Variants in NBPF3 observed in about 807,000 individuals in gnomAD.
NBPF3 encodes NBPF member 3, also known as NBPF family member NBPF3.
A neutral mutation model predicts 78.1 loss-of-function variants in NBPF3; 57 were observed. The observed-to-expected ratio is 0.73, with a 90% CI of 0.59 to 0.91. The LOEUF (loss-of-function observed/expected upper bound fraction) is 0.91, where lower values mean the gene tolerates loss of function less well. Among genes scored for constraint, NBPF3 ranks in the 40% least tolerant of loss-of-function variants. The pLI, the probability that NBPF3 is intolerant of heterozygous loss-of-function variation, is 0.00. For synonymous variants in NBPF3, 182 were observed against 271.7 expected, an observed-to-expected ratio of 0.67 and a Z score of 3.25; for missense variants, 510 against 715.3, an observed-to-expected ratio of 0.71 and a Z score of 3.27.
chr1:21,456,385 C>T (rs1472710037), intron 2 of NBPF3, among the ~76,000 whole-genome samples: 4 of 152,048 alleles, frequency 2.6e-5, no homozygotes, highest in South Asian at 4.1e-4. Context: ...CTCTTTGACT[C>T]GTGTATACTG....
intron 2 of NBPF3, among the ~76,000 whole-genome samples, chr1:21,450,085 A>T (rs1641221850): frequency 6.6e-6 from 1 of 152,216 alleles, no homozygotes; most frequent in African/African-American, 2.4e-5. Context: ...AAACCACAGA[A>T]GTCTGGAATG....
In NBPF3 at chr1:21,471,552, C is replaced by G; in HGVS notation, c.447-17C>G. 1 of 1,611,886 alleles carries G rather than the reference C, an allele frequency of 6.2e-7. No individual in the cohort carries two copies. Among genetic ancestry groups the G allele is most frequent in the Admixed American group, 1.7e-5 (1 of 60,016 alleles). On this transcript the variant is annotated splice_polypyrimidine_tract_variant and intron_variant, in intron 4 of 14. Coordinates refer to ENST00000318249, the MANE Select transcript of NBPF3 (RefSeq NM_032264.6). The stretch of plus-strand genomic sequence containing the variant: ...ATCCCTTTCCACTGTTAAATTTTCT[C>G]TACTATCTCACCTTAGGCAATATAA...
intron 10 of NBPF3, among the ~76,000 whole-genome samples, chr1:21,479,848 G>GTGTCTGTGTGTGTGTGTGTA (rs1553398401): frequency 8.2e-6 from 1 of 121,784 alleles, no homozygotes; most frequent in Admixed American, 8.8e-5. Context: ...GTGTGTGTGT[G>GTGTCTGTGTGTGTGTGTGTA]TGTGTATGTG....
upstream of NBPF3, chr1:21,437,262 G>A: frequency 2.8e-6 from 1 of 356,854 alleles, no homozygotes; most frequent in Non-Finnish European, 5.1e-6. Flanking sequence ...CCTCGGGGTG[G>A]TGTCAGAACC....
chr1:21,443,066 C>G (rs1386884241), intron 1 of NBPF3, among the ~76,000 whole-genome samples: 1 of 152,066 alleles, frequency 6.6e-6, no homozygotes, highest in African/African-American at 2.4e-5. Context: ...CTTCATAAAT[C>G]GATTGACTGT....
At chr1:21,469,170 A>G (rs536095750) in intron 3 of NBPF3, among the ~76,000 whole-genome samples, 10 of 152,234 alleles carry the variant, frequency 6.6e-5, no homozygotes, top group African/African-American at 1.7e-4. Flanking sequence ...TGTTTTCTCC[A>G]AGAGGCTAAA....
Position 21,464,229 on chromosome 1 carries a change from T to C in NBPF3, c.134-4459T>C, listed in dbSNP as rs562157380. ...AAAGTGGAAACATCTTTAACCACCATCAGTTGATGAATAAACAAAATGTGG... is the reference window on the plus strand; with the variant it reads ...AAAGTGGAAACATCTTTAACCACCACCAGTTGATGAATAAACAAAATGTGG... On this transcript the variant is annotated intron_variant, in intron 2 of 14. Transcript: ENST00000318249. Among the ~76,000 whole-genome samples, 5 of 152,290 alleles carry C rather than the reference T, an allele frequency of 3.3e-5. No individual in the cohort carries two copies. In the South Asian group the frequency reaches 1.0e-3, roughly 32 times the overall value.
chr1:21,470,070 T>C (rs1274611590), intron 3 of NBPF3, among the ~76,000 whole-genome samples: 1 of 152,202 alleles, frequency 6.6e-6, no homozygotes, highest in African/African-American at 2.4e-5. Flanking sequence ...ACACAAACCT[T>C]AGTATTCGGG....
Position 21,471,653 on chromosome 1 carries a change from C to T in NBPF3, c.531C>T (p.Arg177=). 1.2e-6 allele frequency: 2 copies of T among 1,613,130 alleles called. No individual in the cohort carries two copies. Among genetic ancestry groups the T allele is most frequent in the South Asian group, 2.2e-5 (2 of 91,020 alleles). ...EKLQEGRDAS[R]SLNQHLQALL... ...TACAGGAAGGGAGAGATGCCTCCCG[C>T]TCATTGAATCAGCATCTCCAGGCCC... The change falls in exon 5 of 15, where the codon CGC becomes CGT. Residue 177 remains arginine (R), a synonymous_variant. Transcript: ENST00000318249.
chr1:21,465,390 A>C (rs1291052663), intron 2 of NBPF3, among the ~76,000 whole-genome samples: 5 of 152,272 alleles, frequency 3.3e-5, no homozygotes, highest in Admixed American at 3.3e-4. Context: ...CAAGGAGGAC[A>C]ATGAACTTGT....
At chr1:21,470,315 G>A (rs1642513702) in intron 3 of NBPF3, among the ~76,000 whole-genome samples, 2 of 152,200 alleles carry the variant, frequency 1.3e-5, no homozygotes, top group Admixed American at 1.3e-4. Flanking sequence ...TAGAGGAGAG[G>A]CTGCAAGGCT....
rs745353812 is a variant in NBPF3, at chr1:21,483,326, T to C, written c.1842T>C (p.Phe614=). The change falls in exon 15 of 15, where the codon TTT becomes TTC. Residue 614 remains phenylalanine (F), a synonymous_variant. Transcript: ENST00000318249. The stretch of plus-strand genomic sequence containing the variant: ...CCCTTGACGTGGACAATAGGTTTTT[T>C]ACTTTGACAGTGATAAGGCACCACC... ...SLALDVDNRF[F]TLTVIRHHLA... is the part of the protein sequence containing the mutation. 1.7e-6 allele frequency: 2 copies of C among 1,210,606 alleles called. No individual in the cohort carries two copies. Among genetic ancestry groups the C allele is most frequent in the Non-Finnish European group, 2.3e-6 (2 of 881,904 alleles). 75.0% of individuals were successfully genotyped at this position (1,210,606 alleles called of 1,614,324 possible).
At chr1:21,436,918 T>C, upstream of NBPF3, 1 of 364,594 alleles carries the variant, frequency 2.7e-6, no homozygotes, top group Non-Finnish European at 4.8e-6. The surrounding 1 kb of genome is among the most constrained non-coding windows in gnomAD (Gnocchi z 4.3). Context: ...CGGAGGAGTC[T>C]GAGCGCCCTG....
chr1:21,436,980 A>G (rs1281406697), upstream of NBPF3, among the ~76,000 whole-genome samples: 1 of 152,066 alleles, frequency 6.6e-6, no homozygotes, highest in African/African-American at 2.4e-5. This position sits in a 1 kb window ranked among gnomAD's most constrained non-coding sequence, Gnocchi z 4.3. Flanking sequence ...AGGATCCCCA[A>G]GGAGGTGGCC....
At chr1:21,443,004 G>A (rs374105113) in intron 1 of NBPF3, among the ~76,000 whole-genome samples, 1 of 152,036 alleles carries the variant, frequency 6.6e-6, no homozygotes, top group South Asian at 2.1e-4. Flanking sequence ...CTTTATCCAG[G>A]ACCATTTATT....
At chr1:21,470,440 G>A (rs568140567) in intron 3 of NBPF3, among the ~76,000 whole-genome samples, 192 bp from the exon 4 acceptor site, 183 of 152,272 alleles carry the variant, frequency 1.2e-3, no homozygotes, top group African/African-American at 4.1e-3. Context: ...GTTTCTCTTC[G>A]TCTCTAAATT....
At chr1:21,452,675 T>A (rs1641379230) in intron 2 of NBPF3, among the ~76,000 whole-genome samples, 1 of 152,248 alleles carries the variant, frequency 6.6e-6, no homozygotes, top group Non-Finnish European at 1.5e-5. Flanking sequence ...GGCTGAGGCT[T>A]GTGGGCTTTG....
In NBPF3 at chr1:21,476,896, G is replaced by A. The variant is rs1385832248; in HGVS notation, c.993-1248G>A. On this transcript the variant is annotated intron_variant, in intron 8 of 14. Transcript: ENST00000318249. This position sits in a 1 kb window ranked among gnomAD's most constrained non-coding sequence, Gnocchi z 4.1. ...TTTCCAACTTGGTTCCATTCTCCCC[G>A]TCACTTTCAGGTACACCAATCAAAT... is the stretch of plus-strand genomic sequence containing the variant. Among the ~76,000 whole-genome samples the A allele has an allele frequency of 1.3e-5, 2 of 152,248 alleles. No homozygotes were observed. The highest frequency in any genetic ancestry group is 1.9e-4 in the East Asian group (1 of 5,182).
intron 2 of NBPF3, chr1:21,467,104 A>T (rs954798175): frequency 2.0e-6 from 2 of 984,372 alleles, no homozygotes; most frequent in African/African-American, 3.5e-5. Flanking sequence ...ATTATGACAC[A>T]GAATGTCAGG....
Sources: allele counts gnomAD v4.1 joint callset (sites outside exome capture counted in the v4.1 genomes callset), GRCh38; gene constraint gnomAD v4.1.1; non-coding constraint Gnocchi (gnomAD v3.1); transcripts MANE v1.5; gene names NCBI Gene and HGNC (gene_info 2026-07-23, HGNC 2026-07-21).